CUL4A: variants seen among roughly 807,000 people sequenced by gnomAD.
The protein encoded by CUL4A is cullin 4A, also known as cullin-4A.
A neutral mutation model predicts 95.5 loss-of-function variants in CUL4A; 16 were observed. The observed-to-expected ratio is 0.17, with a 90% CI of 0.11 to 0.25. CUL4A has a LOEUF of 0.25. Among genes scored for constraint, CUL4A ranks in the 10% least tolerant of loss-of-function variants. CUL4A has a pLI of 1.00. For missense variants in CUL4A, 610 were observed against 937.0 expected, an observed-to-expected ratio of 0.65 and a Z score of 4.56; for synonymous variants, 380 against 353.1, an observed-to-expected ratio of 1.08 and a Z score of -0.85.
chr13:113,218,273 C>T (rs1225190877), intron 2 of CUL4A, among the ~76,000 whole-genome samples: 1 of 151,988 alleles, frequency 6.6e-6, no homozygotes, highest in South Asian at 2.1e-4. Context: ...TAGGGGTGTT[C>T]ACAGAATAAA....
chr13:113,212,111 G>A (rs1001080718), intron 2 of CUL4A, among the ~76,000 whole-genome samples: 15 of 152,228 alleles, frequency 9.9e-5, no homozygotes, highest in Non-Finnish European at 2.1e-4. Context: ...CTTCGTTGAC[G>A]AAGTGTCTAT....
intron 18 of CUL4A, among the ~76,000 whole-genome samples, chr13:113,258,469 G>A (rs1371301172): frequency 6.6e-6 from 1 of 152,120 alleles, no homozygotes; most frequent in Non-Finnish European, 1.5e-5. Context: ...ATACATATGT[G>A]TATATATGTA....
intron 2 of CUL4A, among the ~76,000 whole-genome samples, chr13:113,210,986 CA>C (rs1252972869): frequency 6.6e-6 from 1 of 152,218 alleles, no homozygotes; most frequent in Non-Finnish European, 1.5e-5. Context: ...ATAGAGTCTA[CA>C]TATAATGTGC....
intron 18 of CUL4A, among the ~76,000 whole-genome samples, chr13:113,258,532 G>A (rs1037788517): frequency 6.6e-6 from 1 of 152,050 alleles, no homozygotes; most frequent in Non-Finnish European, 1.5e-5. Flanking sequence ...TGTAAGTCTT[G>A]CATATTTCTT....
At chr13:113,221,317 G>T (rs1427272035) in intron 3 of CUL4A, among the ~76,000 whole-genome samples, 2 of 152,170 alleles carry the variant, frequency 1.3e-5, no homozygotes, top group African/African-American at 4.8e-5. Flanking sequence ...GAATTAGATT[G>T]TTCATGGAGG....
intron 8 of CUL4A, among the ~76,000 whole-genome samples, chr13:113,236,458 G>A (rs577113629): frequency 6.6e-6 from 1 of 152,180 alleles, no homozygotes; most frequent in East Asian, 1.9e-4. Context: ...AGCAGAAGGC[G>A]GAATGTCGGC....
At chr13:113,245,924 C>A in intron 14 of CUL4A, 32 bp from the exon 15 acceptor site, 1 of 1,480,414 alleles carries the variant, frequency 6.8e-7, no homozygotes, top group South Asian at 1.2e-5. Context: ...ATTACTTTCT[C>A]AAAATGATTG....
chr13:113,232,035 G>GTCACCACTAC (rs1566342732), intron 5 of CUL4A, among the ~76,000 whole-genome samples: 1 of 70,630 alleles, frequency 1.4e-5, no homozygotes, highest in Non-Finnish European at 2.9e-5. Context: ...CACCATTACT[G>GTCACCACTAC]CTGCCACCAC....
At chr13:113,237,086 C>T (rs1419489185) in intron 9 of CUL4A, among the ~76,000 whole-genome samples, 196 bp downstream of exon 9, 2 of 152,136 alleles carry the variant, frequency 1.3e-5, no homozygotes, top group South Asian at 2.1e-4. Flanking sequence ...ATGGAAGGCA[C>T]CTAGTGGAAC....
At chr13:113,261,311 A>T (rs2042268697) in intron 19 of CUL4A, among the ~76,000 whole-genome samples, 1 of 152,140 alleles carries the variant, frequency 6.6e-6, no homozygotes, top group African/African-American at 2.4e-5. Flanking sequence ...CAACCCAGGA[A>T]ATACTGAACT....
intron 2 of CUL4A, among the ~76,000 whole-genome samples, chr13:113,217,825 G>T (rs777853684): frequency 1.5e-4 from 23 of 152,218 alleles, no homozygotes; most frequent in Non-Finnish European, 1.0e-4. Context: ...GGAATTGAAT[G>T]AGTTTAAGTT....
chr13:113,260,571 G>C, intron 18 of CUL4A, 36 bp from the exon 19 acceptor site: 1 of 1,571,572 alleles, frequency 6.4e-7, no homozygotes, highest in Non-Finnish European at 8.6e-7. Flanking sequence ...AGAAAATACA[G>C]TTTTACACTT....
chr13:113,208,457 C>T, upstream of CUL4A: 2 of 1,523,924 alleles, frequency 1.3e-6, no homozygotes, highest in Non-Finnish European at 8.8e-7. Flanking sequence ...GTTCGGCTCG[C>T]GCGGCTGCCC....
In CUL4A at chr13:113,263,552, C is replaced by T; in HGVS notation, c.2250C>T (p.Asp750=). ...GAGACTATATGGAGAGAGACAAAGACAATCCGAATCAGTACCACTACGTGG... is the reference window on the plus strand; with the variant it reads ...GAGACTATATGGAGAGAGACAAAGATAATCCGAATCAGTACCACTACGTGG... ...IDRDYMERDK[D]NPNQYHYVA is the part of the protein sequence containing the mutation. The change falls in exon 20 of 20, where the codon GAC becomes GAT. Residue 750 remains aspartate, a synonymous_variant. Transcript: ENST00000375440. 6.2e-7 allele frequency: 1 copy of T among 1,605,082 alleles called. No homozygotes were observed. The highest frequency in any genetic ancestry group is 1.3e-5 in the African/African-American group (1 of 74,436).
Position 113,229,426 on chromosome 13 carries a change from T to C in CUL4A, c.439-20T>C. 2 of 1,610,408 alleles carry C rather than the reference T, an allele frequency of 1.2e-6. No homozygotes were observed. Among genetic ancestry groups the C allele is most frequent in the South Asian group, 2.2e-5 (2 of 90,936 alleles). On this transcript the variant is annotated intron_variant, in intron 4 of 19. Coordinates refer to ENST00000375440, the MANE Select transcript of CUL4A (RefSeq NM_001008895.4). ...GCTAGTAGAATTCATAAGTAAATGG[T>C]TCTCCTTTCTGCTGGTCAGATCATG...
chr13:113,223,710 G>C (rs1378530843), intron 3 of CUL4A, among the ~76,000 whole-genome samples: 1 of 152,122 alleles, frequency 6.6e-6, no homozygotes, highest in Non-Finnish European at 1.5e-5. Flanking sequence ...TTTAAGTAAT[G>C]TTATGTACCG....
At chr13:113,247,918 C>G (rs913051283) in intron 15 of CUL4A, among the ~76,000 whole-genome samples, 2 of 152,074 alleles carry the variant, frequency 1.3e-5, no homozygotes, top group African/African-American at 4.8e-5. Flanking sequence ...TTTCCGGTAC[C>G]CAGCTGAGCC....
chr13:113,216,724 G>C (rs542826840), intron 2 of CUL4A, among the ~76,000 whole-genome samples: 1 of 152,174 alleles, frequency 6.6e-6, no homozygotes, highest in East Asian at 1.9e-4. Context: ...ATTTGGGGGA[G>C]GGGCAACTCC....
chr13:113,227,993 T>C lies in CUL4A; in HGVS notation c.386T>C (p.Val129Ala), dbSNP rs113697945. Residue 129 changes from valine (V) to alanine (A), a missense_variant, in exon 4 of 20, where the codon GTT becomes GCT. Physicochemically the swap from Val to Ala is moderately conservative, Grantham distance 64 (BLOSUM62 0). This residue lies in a region of CUL4A where 168 missense variants were observed against 185.5 expected (regional missense o/e 0.91). Coordinates refer to ENST00000375440, the MANE Select transcript of CUL4A (RefSeq NM_001008895.4). ...ATCTGTACAGACTCACTAGATAGTG[T>C]TTTATTTTTAAAGAAGATTAACACG... Reference protein sequence around the residue: ...LPFREDSLDSVLFLKKINTCW... With the variant: ...LPFREDSLDSALFLKKINTCW... The C allele has an allele frequency of 7.9e-3, 12,802 of 1,611,878 alleles. 79 individuals are homozygous for C. Among genetic ancestry groups the C allele is most frequent in the Non-Finnish European group, 1.0e-2 (11,752 of 1,177,936 alleles).
Sources: allele counts gnomAD v4.1 joint callset (sites outside exome capture counted in the v4.1 genomes callset), GRCh38; gene constraint gnomAD v4.1.1; regional missense constraint gnomAD v4.1.1; transcripts MANE v1.5; gene names NCBI Gene and HGNC (gene_info 2026-07-23, HGNC 2026-07-21).